The following PRSS23 variants were observed in gnomAD, a reference collection of about 807,000 sequenced individuals.
The protein encoded by PRSS23 is serine protease 23, also known as protease, serine 23.
A neutral mutation model predicts 34.7 loss-of-function variants in PRSS23; 25 were observed. The observed-to-expected ratio is 0.72, with a 90% CI of 0.53 to 1.01. PRSS23 has a LOEUF of 1.01. Among genes scored for constraint, PRSS23 ranks in the 50% least tolerant of loss-of-function variants. The pLI, the probability that PRSS23 is intolerant of heterozygous loss-of-function variation, is 0.00. For synonymous variants in PRSS23, 176 were observed against 186.6 expected, an observed-to-expected ratio of 0.94 and a Z score of 0.46; for missense variants, 445 against 475.6, an observed-to-expected ratio of 0.94 and a Z score of 0.60.
intron 2 of PRSS23, chr11:86,833,015 A>AC: frequency 2.3e-6 from 1 of 434,172 alleles, no homozygotes; most frequent in Non-Finnish European, 4.3e-6. Flanking sequence ...AAAAAAAAAA[A>AC]CACAAAACTA....
At chr11:86,892,088 G>A (rs1166123368) in intron 2 of PRSS23, 4 of 152,252 alleles carry the variant, frequency 2.6e-5, no homozygotes, top group Non-Finnish European at 5.9e-5. Context: ...CAAGAGACAA[G>A]ACCCGGGCTT....
At chr11:86,791,975 A>T (rs1417684293) in intron 1 of PRSS23, among the ~76,000 whole-genome samples, 2 of 152,222 alleles carry the variant, frequency 1.3e-5, no homozygotes, top group African/African-American at 4.8e-5. Flanking sequence ...TAATATTTGG[A>T]TACATTTTCT....
At chr11:86,798,702 G>A (rs1947998630), upstream of PRSS23, among the ~76,000 whole-genome samples, 1 of 152,178 alleles carries the variant, frequency 6.6e-6, no homozygotes, top group African/African-American at 2.4e-5. Flanking sequence ...TTTTGTGTCT[G>A]TGTGTGTTTT....
At chr11:86,862,302 A>G (rs1219794617) in intron 2 of PRSS23, among the ~76,000 whole-genome samples, 7 of 151,888 alleles carry the variant, frequency 4.6e-5, no homozygotes. Context: ...CAGCGGGTGT[A>G]CATCCTGTGA....
At chr11:86,815,527 G>A (rs1948209157), downstream of PRSS23, among the ~76,000 whole-genome samples, 2 of 152,106 alleles carry the variant, frequency 1.3e-5, no homozygotes, top group South Asian at 4.2e-4. Flanking sequence ...ATATTTCTTG[G>A]GTCCAAACAC....
chr11:86,894,823 T>C (rs1424598459), intron 2 of PRSS23, among the ~76,000 whole-genome samples: 1 of 152,244 alleles, frequency 6.6e-6, no homozygotes, highest in Non-Finnish European at 1.5e-5. Flanking sequence ...TCCTTATCAC[T>C]ATTTGTGTAT....
At chr11:86,945,961 G>A (rs915748571) in intron 2 of PRSS23, 4 of 152,762 alleles carry the variant, frequency 2.6e-5, no homozygotes, top group Non-Finnish European at 5.9e-5. Context: ...AAAGGCCACA[G>A]AGCATCCAGC....
At chr11:86,814,652 T>A (rs1192082654), downstream of PRSS23, among the ~76,000 whole-genome samples, 1 of 152,222 alleles carries the variant, frequency 6.6e-6, no homozygotes, top group East Asian at 1.9e-4. Flanking sequence ...CCTTGCCTTG[T>A]GTGTCTCTGT....
chr11:86,899,715 A>G (rs771003253), intron 2 of PRSS23, among the ~76,000 whole-genome samples: 1 of 151,842 alleles, frequency 6.6e-6, no homozygotes, highest in African/African-American at 2.4e-5. Flanking sequence ...ACAGGGTTTC[A>G]CCATGTTAGC....
intron 2 of PRSS23, among the ~76,000 whole-genome samples, chr11:86,831,441 A>T (rs1948354829): frequency 6.6e-6 from 1 of 151,624 alleles, no homozygotes; most frequent in Non-Finnish European, 1.5e-5. Flanking sequence ...TAGCAGGTGT[A>T]CCCCCTGTGA....
intron 2 of PRSS23, among the ~76,000 whole-genome samples, chr11:86,865,518 G>A (rs529377813): frequency 6.6e-6 from 1 of 152,336 alleles, no homozygotes; most frequent in Non-Finnish European, 1.5e-5. Flanking sequence ...GGCCTCAGTG[G>A]CAATGCCAAC....
At chr11:86,855,934 T>G (rs1394439307) in intron 2 of PRSS23, among the ~76,000 whole-genome samples, 1 of 152,210 alleles carries the variant, frequency 6.6e-6, no homozygotes, top group Non-Finnish European at 1.5e-5. Context: ...TTTTATTCAT[T>G]TTTAGGCTGA....
At chr11:86,833,396 T>A (rs1948376441) in intron 2 of PRSS23, 1 of 653,242 alleles carries the variant, frequency 1.5e-6, no homozygotes, top group African/African-American at 1.8e-5. Context: ...AGCTGCAGTT[T>A]TGGATCCTCT....
chr11:86,915,853 C>T (rs931638068), intron 2 of PRSS23, among the ~76,000 whole-genome samples: 1 of 151,982 alleles, frequency 6.6e-6, no homozygotes, highest in Non-Finnish European at 1.5e-5. Flanking sequence ...GAGTTCAAGA[C>T]CAGCCTGCCC....
At chr11:86,895,477 CTT>C (rs71040269) in intron 2 of PRSS23, among the ~76,000 whole-genome samples, 44 of 86,612 alleles carry the variant, frequency 5.1e-4, no homozygotes, top group Non-Finnish European at 5.2e-4. Flanking sequence ...TTATTTTATC[CTT>C]TTTTTTTTTT....
chr11:86,834,711 G>A lies in PRSS23; in HGVS notation c.206+11118G>A, dbSNP rs57367276. Among the ~76,000 whole-genome samples, 144 of 152,008 alleles carry A rather than the reference G, an allele frequency of 9.5e-4. 1 individual carries two copies. The highest frequency in any genetic ancestry group is 3.1e-3 in the African/African-American group (128 of 41,468). On this transcript the variant is annotated intron_variant, in intron 2 of 2. Transcript: ENST00000533902. ...CCTGATGTTTGATAGGTGTTCCCTC[G>A]GAAGTTAGGAATTCCCTTTCTCTCC...
intron 2 of PRSS23, among the ~76,000 whole-genome samples, chr11:86,879,903 T>A (rs1490004982): frequency 2.7e-5 from 4 of 149,708 alleles, no homozygotes; most frequent in African/African-American, 9.8e-5. Context: ...TACTGGGAAG[T>A]GAGGAGCCCC....
chr11:86,842,504 C>T (rs958340875), intron 2 of PRSS23, among the ~76,000 whole-genome samples: 3 of 152,128 alleles, frequency 2.0e-5, no homozygotes, highest in East Asian at 1.9e-4. Flanking sequence ...TGTTTGCAGA[C>T]GACATGATTG....
chr11:86,815,416 G>T (rs754892045), downstream of PRSS23, among the ~76,000 whole-genome samples: 7 of 152,180 alleles, frequency 4.6e-5, no homozygotes, highest in Admixed American at 1.3e-4. Flanking sequence ...CTGGCATGTA[G>T]GTTCTCAATA....
Sources: allele counts gnomAD v4.1 joint callset (sites outside exome capture counted in the v4.1 genomes callset), GRCh38; gene constraint gnomAD v4.1.1; transcripts MANE v1.5; gene names NCBI Gene and HGNC (gene_info 2026-07-23, HGNC 2026-07-21).